The following CEP112 variants were observed in gnomAD, a reference collection of about 807,000 sequenced individuals.
CEP112 encodes centrosomal protein 112, also known as centrosomal protein of 112 kDa.
Under a neutral mutation model 153.0 loss-of-function variants are expected in CEP112, and 127 were observed. The observed-to-expected ratio is 0.83, with a 90% CI of 0.72 to 0.96. CEP112 has a LOEUF of 0.96. Among genes scored for constraint, CEP112 ranks in the 40% least tolerant of loss-of-function variants. CEP112 has a pLI of 0.00. For missense variants in CEP112, 1,089 were observed against 1,101.2 expected, an observed-to-expected ratio of 0.99 and a Z score of 0.16; for synonymous variants, 358 against 374.4, an observed-to-expected ratio of 0.96 and a Z score of 0.51.
intron 23 of CEP112, among the ~76,000 whole-genome samples, chr17:65,740,599 A>C (rs2051072383): frequency 6.6e-6 from 1 of 152,186 alleles, no homozygotes; most frequent in Non-Finnish European, 1.5e-5. Context: ...CAGAATGAGT[A>C]CTAGGTTTAC....
At chr17:66,038,353 T>C (rs185660240) in intron 12 of CEP112, among the ~76,000 whole-genome samples, 1 of 152,266 alleles carries the variant, frequency 6.6e-6, no homozygotes, top group Non-Finnish European at 1.5e-5. Flanking sequence ...TTATTCATTT[T>C]ATTTTTGATT....
intron 20 of CEP112, among the ~76,000 whole-genome samples, chr17:65,871,354 G>A (rs978903752): frequency 2.0e-5 from 3 of 152,096 alleles, no homozygotes; most frequent in African/African-American, 7.2e-5. Flanking sequence ...TTAAATACAT[G>A]CAGGCCGGGC....
intron 4 of CEP112, among the ~76,000 whole-genome samples, chr17:66,157,031 T>C (rs1369754375): frequency 6.6e-6 from 1 of 152,030 alleles, no homozygotes; most frequent in African/African-American, 2.4e-5. Flanking sequence ...CAGAGAGCAC[T>C]ACAAAGACAC....
chr17:65,825,730 CAATG>C (rs2056808844), intron 21 of CEP112, among the ~76,000 whole-genome samples: 1 of 151,896 alleles, frequency 6.6e-6, no homozygotes, highest in African/African-American at 2.4e-5. Context: ...GAAAGAAAAA[CAATG>C]AAAGGTACAG....
intron 12 of CEP112, among the ~76,000 whole-genome samples, chr17:66,038,445 G>A (rs946366667): frequency 3.9e-5 from 6 of 152,012 alleles, no homozygotes; most frequent in African/African-American, 1.4e-4. Flanking sequence ...TAACATCAAG[G>A]GAAAGCCTAT....
chr17:65,857,435 T>C (rs2058161237), intron 20 of CEP112, among the ~76,000 whole-genome samples: 2 of 152,168 alleles, frequency 1.3e-5, no homozygotes, highest in African/African-American at 4.8e-5. Flanking sequence ...TGGAGAGTCT[T>C]GTCTTGATAC....
chr17:65,681,098 G>A (rs1374931932), intron 24 of CEP112, among the ~76,000 whole-genome samples: 1 of 152,142 alleles, frequency 6.6e-6, no homozygotes, highest in African/African-American at 2.4e-5. Context: ...AGGTGGGCAG[G>A]GCTGTTTTGA....
At chr17:65,883,487 AG>A (rs777798327) in intron 20 of CEP112, among the ~76,000 whole-genome samples, 3 of 152,002 alleles carry the variant, frequency 2.0e-5, no homozygotes, top group Non-Finnish European at 4.4e-5. Context: ...CAGCCTCCCA[AG>A]TAGCTGGGAT....
chr17:65,686,663 T>C lies in CEP112; in HGVS notation c.2697+2466A>G, dbSNP rs144725381. On this transcript the variant is annotated intron_variant, in intron 24 of 26. Transcript: ENST00000535342. ...TGCTGATTTGACATGAACAAATCCA[T>C]GCTCCCATCCGAGGAGGCATTTTCA... Among the ~76,000 whole-genome samples, 259 of 152,336 alleles carry C rather than the reference T, an allele frequency of 1.7e-3. 1 individual carries two copies. The highest frequency in any genetic ancestry group is 3.1e-3 in the African/African-American group (130 of 41,592).
intron 16 of CEP112, 88 bp from the exon 17 acceptor site, chr17:66,005,857 A>C: frequency 8.9e-7 from 1 of 1,117,368 alleles, no homozygotes; most frequent in Non-Finnish European, 1.2e-6. Context: ...AGTGATCACA[A>C]ATCCATTTTT....
intron 4 of CEP112, among the ~76,000 whole-genome samples, chr17:66,158,879 T>TA (rs1415599724): frequency 1.3e-5 from 2 of 151,636 alleles, no homozygotes; most frequent in Admixed American, 6.6e-5. Context: ...GATAGAGACA[T>TA]AAAAAACCCT....
chr17:65,822,057 T>C (rs750527255), intron 21 of CEP112, among the ~76,000 whole-genome samples: 7 of 151,952 alleles, frequency 4.6e-5, no homozygotes, highest in South Asian at 2.1e-4. Context: ...ATGGAATATT[T>C]AGCATACATG....
chr17:65,767,580 C>CTT (rs1342682922), intron 21 of CEP112, among the ~76,000 whole-genome samples: 2 of 151,608 alleles, frequency 1.3e-5, no homozygotes, highest in African/African-American at 4.8e-5. Flanking sequence ...AACAATAAAA[C>CTT]TAAGAGTTGG....
chr17:65,815,491 T>C (rs190877772), intron 21 of CEP112, among the ~76,000 whole-genome samples: 91 of 152,212 alleles, frequency 6.0e-4, no homozygotes, highest in African/African-American at 2.1e-3. Context: ...CAAAATTGAT[T>C]TGACAATGCT....
chr17:65,987,688 A>G (rs867310649), intron 17 of CEP112, among the ~76,000 whole-genome samples: 1 of 152,180 alleles, frequency 6.6e-6, no homozygotes, highest in Admixed American at 6.5e-5. Flanking sequence ...CAGAACTCAA[A>G]TATGAGAATG....
At chr17:66,027,233 T>C (rs11079626) in intron 16 of CEP112, among the ~76,000 whole-genome samples, 140,828 of 152,058 alleles carry the variant, frequency 0.93, 65,451 homozygotes, top group East Asian at 0.97. Context: ...AAAAATTGGC[T>C]AGGCATGGTG....
chr17:65,802,113 A>C (rs1490689045), intron 21 of CEP112, among the ~76,000 whole-genome samples: 1 of 152,136 alleles, frequency 6.6e-6, no homozygotes, highest in Non-Finnish European at 1.5e-5. Flanking sequence ...CATGTGTGGC[A>C]GCTGAAGTTT....
At chr17:66,021,795 T>C (rs62063370) in intron 16 of CEP112, among the ~76,000 whole-genome samples, 11,401 of 152,218 alleles carry the variant, frequency 0.075, 558 homozygotes, top group Non-Finnish European at 0.11. Context: ...AGATTTGGCC[T>C]CCACTGAGAC....
intron 20 of CEP112, among the ~76,000 whole-genome samples, chr17:65,894,471 T>C (rs2059593351): frequency 3.3e-5 from 5 of 152,226 alleles, no homozygotes; most frequent in Admixed American, 6.5e-5. Context: ...GATTCTGTCA[T>C]GCAATAGGAT....
Sources: gnomAD v4.1 joint callset for allele counts (sites outside exome capture counted in the v4.1 genomes callset) on GRCh38, gnomAD v4.1.1 for gene constraint, MANE v1.5 for transcripts, NCBI Gene and HGNC (gene_info 2026-07-23, HGNC 2026-07-21) for gene names.